The following PDZD2 variants were observed in gnomAD, a reference collection of about 807,000 sequenced individuals.
PDZD2 encodes PDZ domain containing 2, also known as PDZ domain-containing protein 2.
Under a neutral mutation model 220.7 loss-of-function variants are expected in PDZD2, and 90 were observed. The observed-to-expected ratio is 0.41, with a 90% CI of 0.34 to 0.49. The LOEUF (loss-of-function observed/expected upper bound fraction) is 0.49. Among genes scored for constraint, PDZD2 ranks in the 20% least tolerant of loss-of-function variants. PDZD2 has a pLI of 0.28. For missense variants in PDZD2, 3,174 were observed against 3,608.5 expected, an observed-to-expected ratio of 0.88 and a Z score of 3.08; for synonymous variants, 1,375 against 1,450.5, an observed-to-expected ratio of 0.95 and a Z score of 1.18.
In PDZD2 at chr5:31,855,428, CG is replaced by C. The variant is rs1373249678; in HGVS notation, c.476+55706del. Among the ~76,000 whole-genome samples the C allele has an allele frequency of 5.9e-5, 9 of 152,262 alleles. No homozygotes were observed. The South Asian group carries it at 1.2e-3, about 21-fold the overall frequency. ...TGGAGCTGGTTTGTCAATGGCTGGA[CG>C]GAAGGAGGCGCCCCGGCTGTGTGTG... On this transcript the variant is annotated intron_variant, in intron 2 of 24. Transcript: ENST00000438447.
Position 31,856,357 on chromosome 5 carries a change from G to A in PDZD2, c.476+56633G>A, listed in dbSNP as rs540739419. 1.2e-4 allele frequency among the ~76,000 whole-genome samples: 18 copies of A among 152,240 alleles called. No homozygotes were observed. In the South Asian group the frequency reaches 3.7e-3, roughly 32 times the overall value. On this transcript the variant is annotated intron_variant, in intron 2 of 24. Coordinates refer to ENST00000438447, the MANE Select transcript of PDZD2 (RefSeq NM_178140.4). ...AGGACTCACAGACAGGATGGCCTCTGGGGAAAGAGGCCTGTGTCAGGTCTT... is the reference window on the plus strand; with the variant it reads ...AGGACTCACAGACAGGATGGCCTCTAGGGAAAGAGGCCTGTGTCAGGTCTT...
In PDZD2 at chr5:31,995,710, C is replaced by G; in HGVS notation, c.1113C>G (p.Ala371=). Residue 371 remains alanine (A), a synonymous_variant, in exon 4 of 25, where the codon GCC becomes GCG. Transcript: ENST00000438447. ...TCACTCAAGTGAAGGAAGGAGGTGC[C>G]GCTCACAGGTGACTAGATAACTCTC... is the stretch of plus-strand genomic sequence containing the variant. The part of the protein sequence containing the change: ...IVVTQVKEGG[A]AHRDGRLSLG... The G allele has an allele frequency of 6.2e-7, 1 of 1,613,564 alleles. No individual in the cohort carries two copies. Among genetic ancestry groups the G allele is most frequent in the Non-Finnish European group, 8.5e-7 (1 of 1,179,954 alleles).
intron 2 of PDZD2, among the ~76,000 whole-genome samples, chr5:31,849,969 T>TC: frequency 3.1e-5 from 1 of 32,684 alleles, no homozygotes; most frequent in Non-Finnish European, 4.9e-5. Flanking sequence ...TATACACATA[T>TC]ATATATATAC....
chr5:32,017,387 C>T (rs1048006168), intron 6 of PDZD2, among the ~76,000 whole-genome samples: 1 of 151,136 alleles, frequency 6.6e-6, no homozygotes, highest in Non-Finnish European at 1.5e-5. Context: ...GGCAGTGAGC[C>T]GAGATGGGTG....
chr5:31,752,821 G>A (rs1445105483), intron 1 of PDZD2, among the ~76,000 whole-genome samples: 2 of 152,020 alleles, frequency 1.3e-5, no homozygotes, highest in Non-Finnish European at 2.9e-5. Flanking sequence ...TGATGTCTCA[G>A]CCAGATGTGG....
chr5:31,653,139 G>A (rs986529568), intron 1 of PDZD2, among the ~76,000 whole-genome samples: 7 of 152,134 alleles, frequency 4.6e-5, no homozygotes, highest in Admixed American at 2.0e-4. Context: ...ATCTAGGACC[G>A]AGTGAATCTG....
chr5:32,097,188 C>A, intron 21 of PDZD2, 91 bp from the exon 22 acceptor site: 1 of 820,274 alleles, frequency 1.2e-6, no homozygotes, highest in Non-Finnish European at 2.1e-6. Flanking sequence ...GACATCAGAG[C>A]TTCCTTACTC....
At chr5:31,737,492 G>A (rs1416863694) in intron 1 of PDZD2, among the ~76,000 whole-genome samples, 1 of 152,022 alleles carries the variant, frequency 6.6e-6, no homozygotes, top group African/African-American at 2.4e-5. Context: ...ACTTCTTATA[G>A]GGAAAGGATC....
chr5:31,819,161 C>T (rs1755659785), intron 2 of PDZD2, among the ~76,000 whole-genome samples: 1 of 152,198 alleles, frequency 6.6e-6, no homozygotes, highest in Non-Finnish European at 1.5e-5. Flanking sequence ...CAATGGGGCA[C>T]ATGGTCCACA....
At chr5:32,073,776 CAGG>C in intron 17 of PDZD2, 53 bp from the exon 18 acceptor site, 1 of 1,148,250 alleles carries the variant, frequency 8.7e-7, no homozygotes, top group Non-Finnish European at 1.3e-6. Flanking sequence ...GATGATAAGA[CAGG>C]GCCAAGTGGG....
At chr5:31,687,279 T>C (rs911891481) in intron 1 of PDZD2, among the ~76,000 whole-genome samples, 1 of 152,128 alleles carries the variant, frequency 6.6e-6, no homozygotes, top group Non-Finnish European at 1.5e-5. Flanking sequence ...ACAAAACACA[T>C]TTCTGCCAAG....
rs1378423260 is a variant in PDZD2 at position 32,110,432 on chromosome 5, A to T, written c.*2297A>T. ...CAAAAGCTAAACTGTCTTTGACCCT[A>T]AGATAGATAGAAAGCTATTTATTTG... is the stretch of plus-strand genomic sequence containing the variant. On this transcript the variant is annotated 3_prime_UTR_variant, in exon 25 of 25. Coordinates refer to ENST00000438447, the MANE Select transcript of PDZD2 (RefSeq NM_178140.4). 1.3e-5 allele frequency: 2 copies of T among 152,666 alleles called. No homozygotes were observed. The highest frequency in any genetic ancestry group is 2.9e-5 in the Non-Finnish European group (2 of 68,052). 9.5% of individuals were successfully genotyped at this position (152,666 alleles called of 1,614,324 possible).
Position 31,655,812 on chromosome 5 carries a change from C to T in PDZD2, c.-361+16375C>T, listed in dbSNP as rs545249112. On this transcript the variant is annotated intron_variant, in intron 1 of 24. Transcript: ENST00000438447. Reference sequence around the variant, plus strand: ...TGAAGCCAGCATTGCAAACCACTGCCTTCCAGATCTGAACTCTGTTGTTTT... The same window carrying T: ...TGAAGCCAGCATTGCAAACCACTGCTTTCCAGATCTGAACTCTGTTGTTTT... Among the ~76,000 whole-genome samples the T allele has an allele frequency of 4.0e-4, 61 of 152,360 alleles. 1 individual carries two copies. The highest frequency in any genetic ancestry group is 3.4e-3 in the Middle Eastern group (1 of 294).
At chr5:32,048,961 C>T (rs566994960) in intron 8 of PDZD2, among the ~76,000 whole-genome samples, 12 of 152,252 alleles carry the variant, frequency 7.9e-5, no homozygotes, top group Admixed American at 6.5e-5. Flanking sequence ...GAGACGATGG[C>T]GTCTCATAGT....
At position 31,758,157 on chromosome 5, in the gene PDZD2, C is replaced by T. The variant is rs527665586; in HGVS notation, c.-360-40732C>T. Among the ~76,000 whole-genome samples the T allele has an allele frequency of 1.5e-3, 232 of 152,348 alleles. 1 individual carries two copies. The Middle Eastern group carries it at 0.024, about 16-fold the overall frequency. On this transcript the variant is annotated intron_variant, in intron 1 of 24. Transcript: ENST00000438447. ...CTCTCAGGGCATGCCTCCTCCTGCCCTGGACCGCACTGGATTCTAAACTTT... is the reference window on the plus strand; with the variant it reads ...CTCTCAGGGCATGCCTCCTCCTGCCTTGGACCGCACTGGATTCTAAACTTT...
At chr5:31,936,451 C>T in intron 2 of PDZD2, 1 of 530,736 alleles carries the variant, frequency 1.9e-6, no homozygotes, top group Non-Finnish European at 2.4e-6. Flanking sequence ...GAGAGATGAG[C>T]AGGTAATAAT....
In PDZD2 at chr5:31,772,020, G is replaced by C. The variant is rs1489058905; in HGVS notation, c.-360-26869G>C. The stretch of plus-strand genomic sequence containing the variant: ...TGGAGAAGCCCCATCTGGTTGGTGT[G>C]GGGGTGGGGAGAGGAGCAGGATTGG... On this transcript the variant is annotated intron_variant, in intron 1 of 24. Transcript: ENST00000438447. Among the ~76,000 whole-genome samples the C allele has an allele frequency of 2.6e-5, 4 of 152,318 alleles. No individual in the cohort carries two copies. The South Asian group carries it at 8.3e-4, about 32-fold the overall frequency.
chr5:31,715,203 G>A (rs912438784), intron 1 of PDZD2, among the ~76,000 whole-genome samples: 5 of 152,100 alleles, frequency 3.3e-5, no homozygotes, highest in African/African-American at 4.8e-5. Context: ...GTTCCTCTCC[G>A]GTCTCTGGTA....
chr5:31,839,192 C>T (rs35968252), intron 2 of PDZD2, among the ~76,000 whole-genome samples: 38,306 of 152,036 alleles, frequency 0.25, 4,976 homozygotes, highest in Middle Eastern at 0.3. Context: ...TCTTTGAAGA[C>T]AAGTTTTGTT....
Sources: gnomAD v4.1 joint callset for allele counts (sites outside exome capture counted in the v4.1 genomes callset) on GRCh38, gnomAD v4.1.1 for gene constraint, MANE v1.5 for transcripts, NCBI Gene and HGNC (gene_info 2026-07-23, HGNC 2026-07-21) for gene names.